PUDP: variants seen among roughly 807,000 people sequenced by gnomAD.
The protein encoded by PUDP is pseudouridine-5'-phosphatase.
PUDP carries 8 observed loss-of-function variants against 9.4 expected under a neutral mutation model. The observed-to-expected ratio is 0.85, with a 90% CI of 0.50 to 1.53. The LOEUF is 1.53. Among genes scored for constraint, PUDP ranks in the 40% most tolerant of loss-of-function variants. The pLI, the probability that PUDP is intolerant of heterozygous loss-of-function variation, is 0.00. For missense variants in PUDP, 188 were observed against 189.7 expected (o/e 0.99, Z 0.05); for synonymous variants, 99 against 80.7 (o/e 1.23, Z -1.22).
chrX:6,954,268 A>G (rs4830699), intron 3 of PUDP, among the ~76,000 whole-genome samples: 26,418 of 110,066 alleles, frequency 0.24, 2,425 homozygotes, highest in Admixed American at 0.37. Context: ...TTGGCACTTG[A>G]TAATATTCTG....
chrX:7,082,481 C>G (rs1380670877), intron 2 of PUDP, among the ~76,000 whole-genome samples: 1 of 111,978 alleles, frequency 8.9e-6, no homozygotes, highest in African/African-American at 3.3e-5. Context: ...CGGGGGTTGA[C>G]AACGCAAAGT....
intron 3 of PUDP, among the ~76,000 whole-genome samples, chrX:6,740,732 A>C (rs763975588): frequency 8.9e-6 from 1 of 112,176 alleles, no homozygotes; most frequent in Non-Finnish European, 1.9e-5. Context: ...ATGTCATGTC[A>C]GTAATACCAA....
At chrX:7,089,719 G>A (rs1196044633) in intron 2 of PUDP, among the ~76,000 whole-genome samples, 3 of 111,760 alleles carry the variant, frequency 2.7e-5, no homozygotes, top group Non-Finnish European at 5.6e-5. Context: ...TGCAGCACCA[G>A]CACCCACTCA....
chrX:6,992,949 G>C lies in PUDP; in HGVS notation c.205-14606C>G, dbSNP rs188689089. Among the ~76,000 whole-genome samples the C allele has an allele frequency of 1.8e-3, 201 of 111,858 alleles. 1 individual carries two copies. Among genetic ancestry groups the C allele is most frequent in the Non-Finnish European group, 3.4e-3 (179 of 53,132 alleles). ...CCTCCATCTTTCTCCCATGCTGAATGCTTCCTGCCCTTGAACATCAGACTC... is the reference window on the plus strand; with the variant it reads ...CCTCCATCTTTCTCCCATGCTGAATCCTTCCTGCCCTTGAACATCAGACTC... On this transcript the variant is annotated intron_variant and NMD_transcript_variant, in intron 1 of 3. Coordinates refer to the PUDP transcript ENST00000655425.
rs751110114 is a variant in PUDP, at chrX:6,816,914, A to T, written c.*248-110448T>A. On this transcript the variant is annotated intron_variant and NMD_transcript_variant, in intron 3 of 3. Transcript: ENST00000655425. ...TATACACATACAGTATATACTATAT[A>T]GTATATATAATATATATACACATAT... Among the ~76,000 whole-genome samples, 673 of 93,483 alleles carry T rather than the reference A, an allele frequency of 7.2e-3. 1 individual carries two copies. Among genetic ancestry groups the T allele is most frequent in the African/African-American group, 0.015 (377 of 25,259 alleles). 81.2% of individuals were successfully genotyped at this position (93,483 alleles called of 115,157 possible). A position where few individuals can be genotyped will look rare whatever the true frequency, so the allele number is the denominator to read the frequency against.
chrX:6,963,847 T>C (rs770109807), intron 3 of PUDP, among the ~76,000 whole-genome samples: 1 of 112,431 alleles, frequency 8.9e-6, no homozygotes, highest in South Asian at 3.7e-4. Context: ...CCCAACATTT[T>C]GCAGTTGTTC....
chrX:7,070,901 A>G (rs1367560689), intron 3 of PUDP, among the ~76,000 whole-genome samples: 4 of 112,104 alleles, frequency 3.6e-5, no homozygotes, highest in African/African-American at 9.7e-5. Context: ...TAAATTGGAC[A>G]TAAGTAGTAT....
chrX:6,755,950 G>A (rs1360470165), intron 3 of PUDP, among the ~76,000 whole-genome samples: 1 of 111,116 alleles, frequency 9.0e-6, no homozygotes, highest in Non-Finnish European at 1.9e-5. Flanking sequence ...AAAACCAAAG[G>A]GGAACAGAGC....
At chrX:6,980,385 T>C (rs760351859) in intron 1 of PUDP, among the ~76,000 whole-genome samples, 5 of 110,968 alleles carry the variant, frequency 4.5e-5, no homozygotes, top group African/African-American at 1.3e-4. Context: ...ATGTTTTAAA[T>C]ATTTTGTAGA....
chrX:6,789,483 T>G lies in PUDP; in HGVS notation c.*248-83017A>C, dbSNP rs1174017261. On this transcript the variant is annotated intron_variant and NMD_transcript_variant, in intron 3 of 3. Transcript: ENST00000655425. ...AGTTTAATGGGAAGCTGTTGGAGGG[T>G]TTTTTAAAAAGCAGGTGTTTCTTAT... 5.9e-5 allele frequency among the ~76,000 whole-genome samples: 5 copies of G among 85,312 alleles called. No homozygotes were observed. In the South Asian group the frequency reaches 1.6e-3, roughly 28 times the overall value. 74.1% of individuals were successfully genotyped at this position (85,312 alleles called of 115,157 possible).
intron 3 of PUDP, among the ~76,000 whole-genome samples, chrX:6,888,980 T>C (rs1184684438): frequency 8.9e-6 from 1 of 112,410 alleles, no homozygotes; most frequent in African/African-American, 3.2e-5. Flanking sequence ...AGAGTTCACA[T>C]GGATTCTGGC....
upstream of PUDP, among the ~76,000 whole-genome samples, chrX:6,724,116 G>A (rs1272020003): frequency 9.0e-6 from 1 of 111,140 alleles, no homozygotes; most frequent in East Asian, 2.8e-4. Flanking sequence ...AAACGGCACT[G>A]CCTAAAATAT....
intron 3 of PUDP, among the ~76,000 whole-genome samples, chrX:6,951,249 C>CA (rs1940348914): frequency 7.9e-4 from 23 of 29,107 alleles, no homozygotes; most frequent in African/African-American, 1.5e-3. Flanking sequence ...TCCATCATAT[C>CA]TATCTATCTA....
chrX:6,730,813 A>T (rs945635473), intron 3 of PUDP, among the ~76,000 whole-genome samples: 1 of 112,105 alleles, frequency 8.9e-6, no homozygotes, highest in African/African-American at 3.2e-5. Flanking sequence ...GCTAGAAGTG[A>T]GGCACCAAGT....
chrX:7,094,581 C>G (rs1481304867), intron 2 of PUDP, among the ~76,000 whole-genome samples: 1 of 110,848 alleles, frequency 9.0e-6, no homozygotes, highest in African/African-American at 3.3e-5. Flanking sequence ...TGGTCTCGAT[C>G]GATCTCCTGA....
At chrX:6,798,949 C>A (rs1354440251) in intron 3 of PUDP, among the ~76,000 whole-genome samples, 1 of 111,543 alleles carries the variant, frequency 9.0e-6, no homozygotes, top group African/African-American at 3.3e-5. Context: ...CCATGACCAG[C>A]TAATATTTTA....
At position 6,803,806 on chromosome X, in the gene PUDP, C is replaced by T. The variant is rs551467897; in HGVS notation, c.*248-97340G>A. On this transcript the variant is annotated intron_variant and NMD_transcript_variant, in intron 3 of 3. Transcript: ENST00000655425. ...AAACTCACGGATTAACAGTCTGCAT[C>T]GATCAATTCTCCAGATCATTGCACA... Among the ~76,000 whole-genome samples, 28 of 111,943 alleles carry T rather than the reference C, an allele frequency of 2.5e-4. No homozygotes were observed. The South Asian group carries it at 0.01, about 42-fold the overall frequency.
intron 3 of PUDP, among the ~76,000 whole-genome samples, chrX:6,822,227 G>A (rs928651566): frequency 2.7e-5 from 3 of 111,646 alleles, no homozygotes; most frequent in African/African-American, 6.5e-5. Context: ...CTTCACTAAG[G>A]CCTTCATTCA....
At chrX:6,862,326 T>C (rs887675131) in intron 3 of PUDP, among the ~76,000 whole-genome samples, 2 of 111,911 alleles carry the variant, frequency 1.8e-5, no homozygotes, top group African/African-American at 6.5e-5. Flanking sequence ...AAGAAAGCAC[T>C]CAATCCTTTT....
Sources: allele counts gnomAD v4.1 joint callset (sites outside exome capture counted in the v4.1 genomes callset), GRCh38; gene constraint gnomAD v4.1.1; transcripts MANE v1.5; gene names NCBI Gene and HGNC (gene_info 2026-07-23, HGNC 2026-07-21).